Variants in SCHIP1 observed in about 807,000 individuals in gnomAD.
The protein encoded by SCHIP1 is schwannomin interacting protein 1.
Under a neutral mutation model 29.7 loss-of-function variants are expected in SCHIP1, and 8 were observed. The observed-to-expected ratio is 0.27, with a 90% confidence interval of 0.16 to 0.49. SCHIP1 has a LOEUF of 0.49. Among genes scored for constraint, SCHIP1 ranks in the 20% least tolerant of loss-of-function variants. The pLI, the probability that SCHIP1 is intolerant of heterozygous loss-of-function variation, is 0.99. For synonymous variants in SCHIP1, 76 were observed against 94.9 expected, an observed-to-expected ratio of 0.80 and a Z score of 1.16; for missense variants, 193 against 294.6, an observed-to-expected ratio of 0.66 and a Z score of 2.52.
the SCHIP1 span, among the ~76,000 whole-genome samples, chr3:159,407,285 G>T: frequency 6.6e-6 from 1 of 152,012 alleles, no homozygotes; most frequent in Non-Finnish European, 1.5e-5. Context: ...TATAAAAAGG[G>T]ACAAAAAATG....
At chr3:159,840,022 C>A (rs1744072076) in exon 1 of SCHIP1, 2 of 1,455,860 alleles carry the variant, frequency 1.4e-6, no homozygotes, top group Admixed American at 2.5e-5. Flanking sequence ...ACAGGCAGTG[C>A]CACTGCGCAG....
At chr3:159,335,238 T>C in the SCHIP1 span, among the ~76,000 whole-genome samples, 1 of 152,132 alleles carries the variant, frequency 6.6e-6, no homozygotes, top group African/African-American at 2.4e-5. Context: ...TCCAGAGTGA[T>C]TGGACCATGT....
chr3:159,595,685 T>TA, the SCHIP1 span, among the ~76,000 whole-genome samples: 3 of 152,142 alleles, frequency 2.0e-5, no homozygotes, highest in African/African-American at 4.8e-5. Flanking sequence ...AACTTAAACA[T>TA]AAAAAGATAA....
At chr3:159,330,820 A>G in the SCHIP1 span, among the ~76,000 whole-genome samples, 1 of 152,146 alleles carries the variant, frequency 6.6e-6, no homozygotes, top group African/African-American at 2.4e-5. Flanking sequence ...GGTCCCTATT[A>G]AGTCTGTCCA....
the SCHIP1 span, among the ~76,000 whole-genome samples, chr3:159,312,614 ATCTC>A: frequency 6.6e-6 from 1 of 151,626 alleles, no homozygotes; most frequent in Non-Finnish European, 1.5e-5. Flanking sequence ...GCACCTATCA[ATCTC>A]TCTCTCTCTC....
At chr3:159,633,877 A>C in the SCHIP1 span, among the ~76,000 whole-genome samples, 65 of 152,212 alleles carry the variant, frequency 4.3e-4, no homozygotes, top group Non-Finnish European at 8.5e-4. Context: ...TAGGCATTAG[A>C]GGGTTTTTTG....
chr3:159,862,625 C>T (rs546000939), intron 1 of SCHIP1, among the ~76,000 whole-genome samples: 1 of 152,240 alleles, frequency 6.6e-6, no homozygotes, highest in South Asian at 2.1e-4. Context: ...ACAGTTGAAA[C>T]TCAAAAGGAC....
the SCHIP1 span, among the ~76,000 whole-genome samples, chr3:159,713,153 C>CAA: frequency 2.1e-5 from 1 of 46,852 alleles, no homozygotes; most frequent in African/African-American, 7.1e-5. Flanking sequence ...GAAACTCCAT[C>CAA]AAAAAAAAAA....
At chr3:159,349,256 C>T in the SCHIP1 span, among the ~76,000 whole-genome samples, 1 of 152,140 alleles carries the variant, frequency 6.6e-6, no homozygotes, top group Non-Finnish European at 1.5e-5. Flanking sequence ...TCACCCATGT[C>T]GTGCAAGCGA....
chr3:159,389,861 A>ATGGT, the SCHIP1 span, among the ~76,000 whole-genome samples: 1 of 151,816 alleles, frequency 6.6e-6, no homozygotes, highest in Non-Finnish European at 1.5e-5. Flanking sequence ...TATAACTGAA[A>ATGGT]TGGTAGAAGT....
the SCHIP1 span, among the ~76,000 whole-genome samples, chr3:159,803,879 G>C: frequency 6.6e-6 from 1 of 151,412 alleles, no homozygotes; most frequent in Non-Finnish European, 1.5e-5. Context: ...AGAGCAGCCT[G>C]AATGGTAGGC....
intron 1 of SCHIP1, among the ~76,000 whole-genome samples, chr3:159,862,394 C>T (rs1187690207): frequency 6.6e-6 from 1 of 152,200 alleles, no homozygotes; most frequent in Admixed American, 6.5e-5. Flanking sequence ...ATATTCAAAG[C>T]AGAAATTGTT....
At chr3:159,402,384 A>G in the SCHIP1 span, among the ~76,000 whole-genome samples, 18 of 152,304 alleles carry the variant, frequency 1.2e-4, no homozygotes, top group African/African-American at 3.8e-4. Flanking sequence ...GATTCCTCAG[A>G]GATCTAGAAC....
chr3:159,395,991 T>A, the SCHIP1 span, among the ~76,000 whole-genome samples: 121,439 of 151,536 alleles, frequency 0.8, 48,871 homozygotes, highest in Middle Eastern at 0.83. Context: ...TTGCTTCATG[T>A]ATCTGGGTGC....
At chr3:159,799,097 T>C in the SCHIP1 span, among the ~76,000 whole-genome samples, 1 of 152,174 alleles carries the variant, frequency 6.6e-6, no homozygotes, top group African/African-American at 2.4e-5. Context: ...CTACATTCCT[T>C]TACTCTGGTG....
chr3:159,395,843 G>T, the SCHIP1 span, among the ~76,000 whole-genome samples: 1 of 151,878 alleles, frequency 6.6e-6, no homozygotes, highest in Non-Finnish European at 1.5e-5. Context: ...GGTCCGCTTG[G>T]TACAGAGCTG....
chr3:159,634,518 A>G, the SCHIP1 span, among the ~76,000 whole-genome samples: 1 of 152,186 alleles, frequency 6.6e-6, no homozygotes, highest in Admixed American at 6.5e-5. Flanking sequence ...AAGGCAAAGA[A>G]ACCAAATTTA....
the SCHIP1 span, among the ~76,000 whole-genome samples, chr3:159,322,957 C>T: frequency 6.6e-6 from 1 of 152,194 alleles, no homozygotes; most frequent in Non-Finnish European, 1.5e-5. Context: ...GTGACCATCA[C>T]AGTTAATGGG....
At chr3:159,404,459 A>G in the SCHIP1 span, among the ~76,000 whole-genome samples, 3 of 152,166 alleles carry the variant, frequency 2.0e-5, no homozygotes, top group Non-Finnish European at 2.9e-5. Flanking sequence ...CTGACTGAAG[A>G]GCCCTGGGAC....
Sources: gnomAD v4.1 joint callset for allele counts (sites outside exome capture counted in the v4.1 genomes callset) on GRCh38, gnomAD v4.1.1 for gene constraint, MANE v1.5 for transcripts, NCBI Gene and HGNC (gene_info 2026-07-23, HGNC 2026-07-21) for gene names.